CNTN4: variants seen among roughly 807,000 people sequenced by gnomAD.
CNTN4 encodes contactin-4.
In CNTN4, 77 loss-of-function variants were observed where a neutral mutation model predicts 122.5. The ratio of observed to expected loss-of-function variants is 0.63; its 90% confidence interval spans 0.52 to 0.76. CNTN4 has a LOEUF of 0.76. Among genes scored for constraint, CNTN4 ranks in the 30% least tolerant of loss-of-function variants. The probability of loss-of-function intolerance (pLI) is 0.00; values close to 1 mark genes in which losing one functional copy is unlikely to be tolerated. For missense variants in CNTN4, 1,256 were observed against 1,259.1 expected (o/e 1.00, Z 0.04); for synonymous variants, 512 against 447.0 (o/e 1.15, Z -1.83).
At chr3:2,636,940 G>GTT (rs34067643) in intron 4 of CNTN4, among the ~76,000 whole-genome samples, 5,242 of 95,064 alleles carry the variant, frequency 0.055, 261 homozygotes, top group Non-Finnish European at 0.064. Context: ...TTTTTTTTTG[G>GTT]TTTTTTTTTT....
intron 3 of CNTN4, among the ~76,000 whole-genome samples, chr3:2,425,557 C>CT (rs1253601703): frequency 6.6e-6 from 1 of 152,082 alleles, no homozygotes; most frequent in Non-Finnish European, 1.5e-5. Context: ...AATGTGGGCT[C>CT]TTTTTTGGTT....
intron 3 of CNTN4, among the ~76,000 whole-genome samples, chr3:2,506,777 T>C (rs1432108422): frequency 2.0e-5 from 3 of 152,116 alleles, no homozygotes; most frequent in Non-Finnish European, 4.4e-5. Flanking sequence ...TCACTTTGCC[T>C]ATGAGTTGTG....
At chr3:2,929,695 A>G (rs970327462) in intron 13 of CNTN4, among the ~76,000 whole-genome samples, 5 of 152,182 alleles carry the variant, frequency 3.3e-5, no homozygotes, top group South Asian at 4.1e-4. Flanking sequence ...TCCTGCTAGT[A>G]GGATGACTAC....
chr3:2,313,349 T>G (rs575485311), intron 2 of CNTN4, among the ~76,000 whole-genome samples: 1 of 151,982 alleles, frequency 6.6e-6, no homozygotes, highest in Non-Finnish European at 1.5e-5. Context: ...TAACTCATGT[T>G]TAAAAACATT....
At chr3:2,566,458 A>G (rs2079163528) in intron 3 of CNTN4, among the ~76,000 whole-genome samples, 1 of 152,166 alleles carries the variant, frequency 6.6e-6, no homozygotes, top group East Asian at 1.9e-4. Flanking sequence ...GGTCCACAAG[A>G]GATGTTAGCT....
At chr3:2,301,100 A>G (rs942920996) in intron 2 of CNTN4, among the ~76,000 whole-genome samples, 11 of 152,192 alleles carry the variant, frequency 7.2e-5, no homozygotes, top group African/African-American at 2.7e-4. Context: ...AGACTGAAAT[A>G]TCTCAATCCG....
At chr3:2,116,704 GTGC>G (rs2033377986) in intron 2 of CNTN4, among the ~76,000 whole-genome samples, 1 of 152,114 alleles carries the variant, frequency 6.6e-6, no homozygotes, top group Non-Finnish European at 1.5e-5. Context: ...GAATCTTTAT[GTGC>G]ATTGTGAAAT....
intron 4 of CNTN4, among the ~76,000 whole-genome samples, chr3:2,692,879 T>TA (rs1382144136): frequency 1.3e-5 from 2 of 152,016 alleles, no homozygotes; most frequent in East Asian, 3.9e-4. Context: ...TATGGTAGCC[T>TA]AAAAAAACTA....
chr3:2,783,485 A>G (rs899196396), intron 6 of CNTN4, among the ~76,000 whole-genome samples: 2 of 152,190 alleles, frequency 1.3e-5, no homozygotes, highest in Admixed American at 6.5e-5. Context: ...ACTGGGATCA[A>G]TGGATCAGAA....
intron 3 of CNTN4, among the ~76,000 whole-genome samples, chr3:2,437,607 A>G (rs115015986): frequency 2.6e-5 from 4 of 152,210 alleles, no homozygotes; most frequent in South Asian, 2.1e-4. Flanking sequence ...TATCCTTTCT[A>G]TATTGATTAA....
chr3:2,522,149 T>TGTG (rs1553678903), intron 3 of CNTN4, among the ~76,000 whole-genome samples: 4,892 of 63,422 alleles, frequency 0.077, 104 homozygotes, highest in Middle Eastern at 0.1. Flanking sequence ...CCTAAGCAGT[T>TGTG]TGTGTGTGTG....
intron 2 of CNTN4, among the ~76,000 whole-genome samples, chr3:2,177,367 C>T (rs577440878): frequency 5.7e-4 from 86 of 152,126 alleles, no homozygotes; most frequent in Non-Finnish European, 9.3e-4. Context: ...CATCTCATAT[C>T]TTTTTTCCTC....
rs145030605 is a variant in CNTN4, at chr3:2,646,074, G to A, written c.55+74516G>A. On this transcript the variant is annotated intron_variant, in intron 4 of 24. Coordinates refer to ENST00000418658, the MANE Select transcript of CNTN4 (RefSeq NM_175607.3). ...TTGCCACTTCTGATATTGGGAAACC[G>A]ATTTTGTCTATCTAAGAGTCAGTGT... Among the ~76,000 whole-genome samples the A allele has an allele frequency of 1.6e-3, 238 of 152,200 alleles. 1 individual carries two copies. Among genetic ancestry groups the A allele is most frequent in the African/African-American group, 5.6e-3 (233 of 41,538 alleles).
At chr3:2,666,587 T>TTTTTTTA (rs1434299677) in intron 4 of CNTN4, among the ~76,000 whole-genome samples, 1 of 78,858 alleles carries the variant, frequency 1.3e-5, no homozygotes. Context: ...TAAAATGTTC[T>TTTTTTTA]TTTTTTATTT....
chr3:3,012,291 G>T (rs554397484), intron 14 of CNTN4, among the ~76,000 whole-genome samples: 8 of 152,068 alleles, frequency 5.3e-5, no homozygotes, highest in Non-Finnish European at 1.2e-4. Context: ...TTGAGATCAC[G>T]TAGGGCATTC....
chr3:2,729,929 A>G (rs115484752), intron 4 of CNTN4, among the ~76,000 whole-genome samples: 5,501 of 152,236 alleles, frequency 0.036, 111 homozygotes, highest in Non-Finnish European at 0.052. Flanking sequence ...ATAAAATAAA[A>G]TAAACTTTAG....
At chr3:2,806,138 G>C (rs191965456) in intron 6 of CNTN4, among the ~76,000 whole-genome samples, 319 of 151,928 alleles carry the variant, frequency 2.1e-3, no homozygotes, top group African/African-American at 6.9e-3. Context: ...CCTGACCTCG[G>C]GATCCGCCTG....
At position 2,529,603 on chromosome 3, in the gene CNTN4, C is replaced by CCT. The variant is rs1374404522; in HGVS notation, c.-88-41812_-88-41811dup. On this transcript the variant is annotated intron_variant, in intron 3 of 24. Coordinates refer to ENST00000418658, the MANE Select transcript of CNTN4 (RefSeq NM_175607.3). The stretch of plus-strand genomic sequence containing the variant: ...CAACAGAGCCAATAAAATGACATAG[C>CCT]CTATCTGTCAAGAAATCAACATGAG... 5.3e-5 allele frequency among the ~76,000 whole-genome samples: 8 copies of CCT among 152,122 alleles called. No individual in the cohort carries two copies. The South Asian group carries it at 1.5e-3, about 28-fold the overall frequency.
chr3:2,895,604 G>C (rs2094099719), intron 10 of CNTN4, among the ~76,000 whole-genome samples: 2 of 152,234 alleles, frequency 1.3e-5, no homozygotes, highest in South Asian at 4.1e-4. Context: ...AAGCAAGTCA[G>C]TTGTAACTTA....
Sources: gnomAD v4.1 joint callset for allele counts (sites outside exome capture counted in the v4.1 genomes callset) on GRCh38, gnomAD v4.1.1 for gene constraint, MANE v1.5 for transcripts, NCBI Gene and HGNC (gene_info 2026-07-23, HGNC 2026-07-21) for gene names.